Variants in PPP1R42 observed in about 807,000 individuals in gnomAD.
The protein encoded by PPP1R42 is protein phosphatase 1 regulatory subunit 42.
A neutral mutation model predicts 31.0 loss-of-function variants in PPP1R42; 34 were observed. The ratio of observed to expected loss-of-function variants is 1.10; its 90% CI spans 0.83 to 1.46. PPP1R42 has a LOEUF of 1.46. PPP1R42 is among the 40% of genes most tolerant of loss of function. PPP1R42 has a pLI of 0.00. For missense variants in PPP1R42, 268 were observed against 303.0 expected (o/e 0.88, Z 0.86); for synonymous variants, 103 against 109.8 (o/e 0.94, Z 0.39).
chr8:67,026,505 GA>G lies in PPP1R42; in HGVS notation c.-85+1985del, dbSNP rs779899232. On this transcript the variant is annotated intron_variant, in intron 1 of 7. Transcript: ENST00000685739. ...GAATGATACTTTCTAGTATAGGGAG[GA>G]AATCTTTCACATAAAAATTTATTCT... Among the ~76,000 whole-genome samples the G allele has an allele frequency of 4.6e-5, 7 of 152,128 alleles. No homozygotes were observed. In the East Asian group the frequency reaches 7.7e-4, roughly 17 times the overall value.
chr8:66,998,900 G>C (rs1304592278), intron 5 of PPP1R42, among the ~76,000 whole-genome samples: 1 of 151,806 alleles, frequency 6.6e-6, no homozygotes, highest in Non-Finnish European at 1.5e-5. Flanking sequence ...CCTGGTCATT[G>C]TGTGTTTTTT....
chr8:66,986,335 A>G, intron 6 of PPP1R42: 1 of 529,872 alleles, frequency 1.9e-6, no homozygotes. Flanking sequence ...CAGCTCATCC[A>G]GCTCCCTCTT....
chr8:66,988,094 A>G (rs1225442465), intron 6 of PPP1R42: 2 of 1,002,714 alleles, frequency 2.0e-6, no homozygotes, highest in East Asian at 1.8e-4. Context: ...GATTTGTGCT[A>G]ACGAAAGTTT....
rs376902754 is a variant in PPP1R42 at position 67,017,806 on chromosome 8, T to C, written c.-59A>G. 64 of 1,471,020 alleles carry C rather than the reference T, an allele frequency of 4.4e-5. No individual in the cohort carries two copies. The East Asian group carries it at 1.4e-3, about 32-fold the overall frequency. 91.1% of individuals were successfully genotyped at this position (1,471,020 alleles called of 1,614,324 possible). ...TCTGTTTTGACACCATGTCAAGAAG[T>C]AGGTTTAGGTATTATTTCCAACTTT... On this transcript the variant is annotated 5_prime_UTR_variant, in exon 2 of 8. Coordinates refer to ENST00000685739, the MANE Select transcript of PPP1R42 (RefSeq NM_001364910.1).
chr8:67,023,214 G>A (rs1298107722), intron 1 of PPP1R42, among the ~76,000 whole-genome samples: 3 of 150,002 alleles, frequency 2.0e-5, no homozygotes, highest in Non-Finnish European at 4.4e-5. Flanking sequence ...AGTCTCAAGG[G>A]ATCCTCCCAT....
chr8:66,969,760 A>G (rs184095551), intron 7 of PPP1R42, among the ~76,000 whole-genome samples: 2 of 152,320 alleles, frequency 1.3e-5, no homozygotes, highest in East Asian at 1.9e-4. Flanking sequence ...GGAAAAGGAA[A>G]ACGATTCCAA....
chr8:66,984,440 C>T, intron 6 of PPP1R42: 1 of 1,291,576 alleles, frequency 7.7e-7, no homozygotes, highest in Non-Finnish European at 1.1e-6. Context: ...TCCACTACTA[C>T]CACGTTGACA....
chr8:66,983,911 TTTA>T (rs1342307944), intron 6 of PPP1R42, among the ~76,000 whole-genome samples: 3 of 152,156 alleles, frequency 2.0e-5, no homozygotes, highest in Non-Finnish European at 2.9e-5. Context: ...GTCATTCTTT[TTTA>T]TTATTTATTT....
At chr8:66,971,089 C>T in intron 7 of PPP1R42, 3 of 1,534,238 alleles carry the variant, frequency 2.0e-6, no homozygotes, top group Non-Finnish European at 2.6e-6. Flanking sequence ...TTTTGGCTTA[C>T]CCACCTGTGG....
At chr8:66,984,696 C>G in intron 6 of PPP1R42, 1 of 1,583,638 alleles carries the variant, frequency 6.3e-7, no homozygotes. Context: ...CCTCTTCATG[C>G]AATTTCTGTC....
intron 7 of PPP1R42, among the ~76,000 whole-genome samples, chr8:66,965,563 C>T (rs1386677916): frequency 2.0e-5 from 3 of 151,728 alleles, no homozygotes; most frequent in Non-Finnish European, 4.4e-5. Context: ...ATCCTTCCAC[C>T]CTAGCCTCCC....
chr8:66,995,501 C>T (rs1815310518), intron 5 of PPP1R42, among the ~76,000 whole-genome samples: 1 of 152,186 alleles, frequency 6.6e-6, no homozygotes, highest in African/African-American at 2.4e-5. Flanking sequence ...TGCATTCCTT[C>T]TCCAGAATAT....
chr8:67,003,782 C>T (rs1431602325), intron 5 of PPP1R42, among the ~76,000 whole-genome samples: 1 of 152,036 alleles, frequency 6.6e-6, no homozygotes, highest in Non-Finnish European at 1.5e-5. Context: ...ATTGCCAATG[C>T]AGTAGTATTA....
chr8:67,016,842 T>C (rs1816030995), intron 2 of PPP1R42, among the ~76,000 whole-genome samples: 1 of 152,192 alleles, frequency 6.6e-6, no homozygotes, highest in Non-Finnish European at 1.5e-5. Flanking sequence ...TGTAGTCTTT[T>C]ATCCCTCATC....
chr8:66,964,991 A>C (rs930248915), intron 7 of PPP1R42, among the ~76,000 whole-genome samples: 4 of 152,186 alleles, frequency 2.6e-5, no homozygotes, highest in African/African-American at 7.2e-5. Flanking sequence ...CTGGCTCTGT[A>C]GTTTGCCTTT....
At chr8:66,971,329 A>G (rs955226937) in intron 7 of PPP1R42, among the ~76,000 whole-genome samples, 3 of 152,242 alleles carry the variant, frequency 2.0e-5, no homozygotes, top group African/African-American at 7.2e-5. Context: ...CCTATACAGG[A>G]AAGTTCATGA....
chr8:67,013,253 A>T (rs552900255), intron 3 of PPP1R42, among the ~76,000 whole-genome samples, 157 bp from the exon 4 acceptor site: 1 of 152,310 alleles, frequency 6.6e-6, no homozygotes, highest in Non-Finnish European at 1.5e-5. Context: ...GGTTTATCTA[A>T]ATGAGAACAA....
At chr8:66,990,874 T>G (rs1815169622) in intron 5 of PPP1R42, among the ~76,000 whole-genome samples, 1 of 152,176 alleles carries the variant, frequency 6.6e-6, no homozygotes, top group South Asian at 2.1e-4. Context: ...TATCTTTGGG[T>G]CACTCTGCTT....
intron 3 of PPP1R42, 150 bp downstream of exon 3, chr8:67,014,276 T>TC (rs1445117164): frequency 4.5e-6 from 2 of 439,708 alleles, no homozygotes; most frequent in Non-Finnish European, 7.8e-6. Context: ...ATCATATGGT[T>TC]TTTTTTCATA....
Sources: allele counts gnomAD v4.1 joint callset (sites outside exome capture counted in the v4.1 genomes callset), GRCh38; gene constraint gnomAD v4.1.1; transcripts MANE v1.5; gene names NCBI Gene and HGNC (gene_info 2026-07-23, HGNC 2026-07-21).